FUT8: variants seen among roughly 807,000 people sequenced by gnomAD.
FUT8 encodes the protein fucosyltransferase 8, also known as alpha-(1,6)-fucosyltransferase.
In FUT8, 29 loss-of-function variants were observed where a neutral mutation model predicts 71.3. The ratio of observed to expected loss-of-function variants is 0.41; its 90% confidence interval spans 0.30 to 0.55. FUT8 has a LOEUF of 0.55. Ranked by LOEUF, FUT8 falls within the 20% of genes least tolerant of loss-of-function variation. The pLI is 0.34. For synonymous variants in FUT8, 254 were observed against 239.3 expected, an observed-to-expected ratio of 1.06 and a Z score of -0.57; for missense variants, 544 against 702.1, an observed-to-expected ratio of 0.77 and a Z score of 2.55.
intron 7 of FUT8, among the ~76,000 whole-genome samples, chr14:65,718,868 T>G (rs1480146830): frequency 6.6e-6 from 1 of 152,234 alleles, no homozygotes; most frequent in African/African-American, 2.4e-5. Flanking sequence ...ATTTATTTTT[T>G]CTTTTGCTGC....
rs1891477236 is a variant in FUT8, at chr14:65,652,894, C to T, written c.598-16349C>T. Among the ~76,000 whole-genome samples the T allele has an allele frequency of 3.3e-5, 5 of 152,216 alleles. No homozygotes were observed. The highest frequency in any genetic ancestry group is 3.3e-4 in the Admixed American group (5 of 15,286). ...GCTGGAAAGAGCCAAACATTTGGAG[C>T]ATGCGATAGCAGGGGATCATTGGCC... On this transcript the variant is annotated intron_variant, in intron 6 of 10. Transcript: ENST00000673929. This position sits in a 1 kb window ranked among gnomAD's most constrained non-coding sequence, Gnocchi z 4.0.
At chr14:65,494,791 G>A (rs1189340011) in intron 2 of FUT8, among the ~76,000 whole-genome samples, 2 of 151,932 alleles carry the variant, frequency 1.3e-5, no homozygotes, top group Non-Finnish European at 2.9e-5. Flanking sequence ...AGAAAAAAAA[G>A]TAAGGTTCTG....
intron 7 of FUT8, among the ~76,000 whole-genome samples, chr14:65,674,188 T>C (rs1892604594): frequency 6.6e-6 from 1 of 152,196 alleles, no homozygotes; most frequent in Non-Finnish European, 1.5e-5. Flanking sequence ...TCTTTGATAA[T>C]TGTATTAATA....
At chr14:65,629,450 AG>A (rs780494146) in intron 5 of FUT8, 41 bp from the exon 6 acceptor site, 1 of 1,227,204 alleles carries the variant, frequency 8.1e-7, no homozygotes, top group South Asian at 1.2e-5. Flanking sequence ...CCAGTGAAGC[AG>A]TACAGACAAG....
intron 1 of FUT8, among the ~76,000 whole-genome samples, chr14:65,444,319 A>G (rs1343497340): frequency 6.6e-6 from 1 of 152,260 alleles, no homozygotes; most frequent in African/African-American, 2.4e-5. Context: ...GCTGACAGAG[A>G]TACAGAGCAA....
At chr14:65,398,889 G>A in the FUT8 span, among the ~76,000 whole-genome samples, 6 of 152,176 alleles carry the variant, frequency 3.9e-5, no homozygotes, top group Non-Finnish European at 7.3e-5. Flanking sequence ...TGAGCAAAGT[G>A]GTAAGCTGTG....
intron 7 of FUT8, among the ~76,000 whole-genome samples, chr14:65,670,724 T>TG (rs1892436492): frequency 6.6e-6 from 1 of 152,072 alleles, no homozygotes; most frequent in Non-Finnish European, 1.5e-5. Context: ...TTGCCTCCTT[T>TG]GAAAAAAAAT....
chr14:65,375,670 C>T, the FUT8 span, among the ~76,000 whole-genome samples: 1 of 151,896 alleles, frequency 6.6e-6, no homozygotes, highest in East Asian at 1.9e-4. Flanking sequence ...TTGACTTGGC[C>T]CCATTTTACG....
chr14:65,395,753 C>T, the FUT8 span, among the ~76,000 whole-genome samples: 39 of 152,368 alleles, frequency 2.6e-4, no homozygotes, highest in African/African-American at 8.9e-4. Flanking sequence ...CATTTGGCTC[C>T]TGGTTACTTA....
At chr14:65,471,654 G>A (rs2066148793) in intron 2 of FUT8, among the ~76,000 whole-genome samples, 1 of 152,030 alleles carries the variant, frequency 6.6e-6, no homozygotes, top group Non-Finnish European at 1.5e-5. Flanking sequence ...TTCTCTATCT[G>A]CCTGTCTTGT....
chr14:65,493,077 G>C (rs904816792), intron 2 of FUT8, among the ~76,000 whole-genome samples: 6 of 152,134 alleles, frequency 3.9e-5, no homozygotes, highest in Non-Finnish European at 8.8e-5. Flanking sequence ...CAGTGGCCAA[G>C]TCAAAGTGCC....
intron 2 of FUT8, among the ~76,000 whole-genome samples, chr14:65,491,294 G>A (rs1379078174): frequency 6.6e-6 from 1 of 152,116 alleles, no homozygotes; most frequent in Non-Finnish European, 1.5e-5. Flanking sequence ...GAAGTGCAGT[G>A]AATTGTCATT....
At chr14:65,714,243 C>T (rs1894943190) in intron 7 of FUT8, among the ~76,000 whole-genome samples, 1 of 152,004 alleles carries the variant, frequency 6.6e-6, no homozygotes, top group African/African-American at 2.4e-5. Context: ...TTTTTCTATG[C>T]TAGAGCCATG....
At chr14:65,488,989 A>G (rs1162182955) in intron 2 of FUT8, among the ~76,000 whole-genome samples, 5 of 152,224 alleles carry the variant, frequency 3.3e-5, no homozygotes, top group Admixed American at 6.5e-5. Context: ...TATACTGACT[A>G]TAACTATGGA....
intron 3 of FUT8, among the ~76,000 whole-genome samples, chr14:65,609,381 T>A (rs193205197): frequency 1.8e-4 from 28 of 152,076 alleles, no homozygotes; most frequent in Admixed American, 1.1e-3. Flanking sequence ...AGCTTTTAAT[T>A]TTAGTGAAAT....
chr14:65,637,109 A>G (rs964449003), intron 6 of FUT8, among the ~76,000 whole-genome samples: 1 of 152,212 alleles, frequency 6.6e-6, no homozygotes, highest in Non-Finnish European at 1.5e-5. Context: ...CTTGTGTTAT[A>G]TAATCATAAC....
intron 7 of FUT8, among the ~76,000 whole-genome samples, chr14:65,712,027 A>G (rs1383315431): frequency 2.0e-5 from 3 of 152,212 alleles, no homozygotes; most frequent in Non-Finnish European, 4.4e-5. Flanking sequence ...TTACAAGTAC[A>G]TTATTTCTTT....
intron 2 of FUT8, among the ~76,000 whole-genome samples, chr14:65,481,409 T>A (rs1664324332): frequency 6.6e-6 from 1 of 152,188 alleles, no homozygotes. Flanking sequence ...TCTGATCGAT[T>A]TCCTTATAGT....
At chr14:65,528,449 C>T (rs891624512) in intron 2 of FUT8, among the ~76,000 whole-genome samples, 19 of 152,164 alleles carry the variant, frequency 1.2e-4, no homozygotes, top group African/African-American at 4.1e-4. Flanking sequence ...TCATCTGTCA[C>T]AGCTTCCCTT....
Sources: gnomAD v4.1 joint callset for allele counts (sites outside exome capture counted in the v4.1 genomes callset) on GRCh38, gnomAD v4.1.1 for gene constraint, Gnocchi (gnomAD v3.1) non-coding constraint, MANE v1.5 for transcripts, NCBI Gene and HGNC (gene_info 2026-07-23, HGNC 2026-07-21) for gene names.